The following CNTN5 variants were observed in gnomAD, a reference collection of about 807,000 sequenced individuals.
CNTN5 encodes contactin-5.
Under a neutral mutation model 129.1 loss-of-function variants are expected in CNTN5, and 77 were observed. That is an observed-to-expected ratio of 0.60 (90% CI 0.50 to 0.72). The LOEUF is 0.72. CNTN5 is among the 30% of genes least tolerant of loss of function. The pLI is 0.00. For synonymous variants in CNTN5, 509 were observed against 465.6 expected, an observed-to-expected ratio of 1.09 and a Z score of -1.20; for missense variants, 1,478 against 1,328.8, an observed-to-expected ratio of 1.11 and a Z score of -1.75.
intron 13 of CNTN5, among the ~76,000 whole-genome samples, chr11:100,177,627 G>A (rs376265407): frequency 6.6e-6 from 1 of 152,086 alleles, no homozygotes; most frequent in African/African-American, 2.4e-5. Context: ...CACCTGAAAG[G>A]TGTGTCTCTG....
At chr11:100,185,040 T>A (rs929618722) in intron 13 of CNTN5, among the ~76,000 whole-genome samples, 7 of 152,264 alleles carry the variant, frequency 4.6e-5, no homozygotes, top group Admixed American at 2.6e-4. Flanking sequence ...AAGAAGGACA[T>A]GTTTGCTTCC....
At chr11:99,820,848 A>G (rs1218948093) in intron 4 of CNTN5, among the ~76,000 whole-genome samples, 2 of 152,240 alleles carry the variant, frequency 1.3e-5, no homozygotes, top group Non-Finnish European at 2.9e-5. Flanking sequence ...TAAACATTCA[A>G]AGATACATCT....
intron 3 of CNTN5, among the ~76,000 whole-genome samples, chr11:99,573,341 C>A (rs556093377): frequency 6.6e-6 from 1 of 151,882 alleles, no homozygotes; most frequent in Non-Finnish European, 1.5e-5. Flanking sequence ...GCGGCCTAGG[C>A]GGGCGGATCA....
chr11:99,957,870 T>A (rs1950843782), intron 8 of CNTN5, among the ~76,000 whole-genome samples: 1 of 152,060 alleles, frequency 6.6e-6, no homozygotes, highest in Non-Finnish European at 1.5e-5. Flanking sequence ...TGTGTGTGTG[T>A]GTGTGTATAT....
At chr11:99,511,088 A>T (rs1946817641) in intron 2 of CNTN5, among the ~76,000 whole-genome samples, 2 of 145,534 alleles carry the variant, frequency 1.4e-5, no homozygotes, top group African/African-American at 5.2e-5. Context: ...AAAAAAATTA[A>T]ATAGAAAAAA....
chr11:99,167,648 A>G (rs986974724), intron 1 of CNTN5, among the ~76,000 whole-genome samples: 1 of 152,138 alleles, frequency 6.6e-6, no homozygotes, highest in African/African-American at 2.4e-5. Context: ...TCTAACTAAC[A>G]CTATCAAGGA....
intron 13 of CNTN5, among the ~76,000 whole-genome samples, chr11:100,093,042 C>G (rs756382744): frequency 3.0e-4 from 46 of 152,220 alleles, no homozygotes; most frequent in Admixed American, 8.5e-4. Context: ...GCCTCTTCAG[C>G]AGCAATATAC....
intron 1 of CNTN5, among the ~76,000 whole-genome samples, chr11:99,251,598 C>T (rs1048993345): frequency 4.6e-5 from 7 of 151,814 alleles, no homozygotes; most frequent in Admixed American, 2.6e-4. Context: ...TTCTCACCTA[C>T]GTAAGTATCT....
chr11:99,503,088 T>C (rs915540490), intron 2 of CNTN5, among the ~76,000 whole-genome samples: 1 of 152,270 alleles, frequency 6.6e-6, no homozygotes, highest in Admixed American at 6.5e-5. Context: ...TTTTAAGTCC[T>C]TTTTAATTTT....
Position 99,613,522 on chromosome 11 carries a change from A to G in CNTN5, c.55+57253A>G, listed in dbSNP as rs1233391319. 1.3e-5 allele frequency among the ~76,000 whole-genome samples: 2 copies of G among 152,228 alleles called. 1 individual carries two copies. The highest frequency in any genetic ancestry group is 4.8e-5 in the African/African-American group (2 of 41,456). On this transcript the variant is annotated intron_variant, in intron 3 of 24. Transcript: ENST00000524871. ...ATGAAAATAGACTTATACAAAGGAC[A>G]TAGCAAAAAGTAAAGCGAGAATAAA...
chr11:99,903,509 A>G (rs1949413220), intron 6 of CNTN5, among the ~76,000 whole-genome samples: 1 of 152,072 alleles, frequency 6.6e-6, no homozygotes, highest in East Asian at 1.9e-4. Flanking sequence ...TTAAAAATCT[A>G]CTCACCAGTT....
intron 13 of CNTN5, among the ~76,000 whole-genome samples, chr11:100,145,034 T>A (rs749680798): frequency 4.0e-5 from 5 of 126,096 alleles, no homozygotes; most frequent in African/African-American, 1.3e-4. Context: ...TGGGGTCATA[T>A]CTTTAAATTC....
intron 2 of CNTN5, among the ~76,000 whole-genome samples, chr11:99,533,384 T>C (rs1268918014): frequency 6.6e-6 from 1 of 152,204 alleles, no homozygotes; most frequent in Non-Finnish European, 1.5e-5. Flanking sequence ...CAGAAGCAGG[T>C]CTCTGGTTCC....
intron 2 of CNTN5, among the ~76,000 whole-genome samples, chr11:99,448,185 T>C (rs899704356): frequency 9.9e-5 from 15 of 152,112 alleles, no homozygotes; most frequent in Non-Finnish European, 2.1e-4. Flanking sequence ...CTTTCAAAAG[T>C]CATCCATTGT....
At chr11:99,828,449 G>A (rs1206019967) in intron 4 of CNTN5, among the ~76,000 whole-genome samples, 1 of 152,168 alleles carries the variant, frequency 6.6e-6, no homozygotes, top group Non-Finnish European at 1.5e-5. Flanking sequence ...GAAGGGCAGA[G>A]ACAGTGAGAG....
At chr11:99,978,360 T>C (rs1938124223) in intron 8 of CNTN5, among the ~76,000 whole-genome samples, 1 of 152,198 alleles carries the variant, frequency 6.6e-6, no homozygotes, top group Non-Finnish European at 1.5e-5. Context: ...ATTAACTTAA[T>C]ATATCTTAAG....
intron 3 of CNTN5, among the ~76,000 whole-genome samples, chr11:99,776,782 A>G (rs1945139555): frequency 2.0e-5 from 3 of 151,638 alleles, no homozygotes; most frequent in South Asian, 2.1e-4. Flanking sequence ...AGGAAACTCA[A>G]TGACAATTAA....
intron 1 of CNTN5, among the ~76,000 whole-genome samples, chr11:99,175,052 G>A (rs1460480921): frequency 6.6e-6 from 1 of 151,990 alleles, no homozygotes; most frequent in Non-Finnish European, 1.5e-5. Flanking sequence ...TGGCAACAAA[G>A]TAAGACTCTA....
In CNTN5 at chr11:99,894,398, G is replaced by A. The variant is rs574786850; in HGVS notation, c.578-21656G>A. ...TAACCAAAACCTAAATAAACAACTG[G>A]AGAGTTTCAAATTTTATAGGTTTTT... On this transcript the variant is annotated intron_variant, in intron 6 of 24. Transcript: ENST00000524871. 2.9e-4 allele frequency among the ~76,000 whole-genome samples: 43 copies of A among 149,934 alleles called. No individual in the cohort carries two copies. The South Asian group carries it at 5.9e-3, about 21-fold the overall frequency.
Sources: gnomAD v4.1 joint callset for allele counts (sites outside exome capture counted in the v4.1 genomes callset) on GRCh38, gnomAD v4.1.1 for gene constraint, MANE v1.5 for transcripts, NCBI Gene and HGNC (gene_info 2026-07-23, HGNC 2026-07-21) for gene names.